Variants in CLPTM1L observed in about 807,000 individuals in gnomAD.
CLPTM1L encodes the protein lipid scramblase CLPTM1L.
CLPTM1L carries 38 observed loss-of-function variants against 70.9 expected under a neutral mutation model. The ratio of observed to expected loss-of-function variants is 0.54; its 90% CI spans 0.41 to 0.70. CLPTM1L has a LOEUF of 0.70. CLPTM1L is among the 30% of genes least tolerant of loss of function. CLPTM1L has a pLI of 0.00. For synonymous variants in CLPTM1L, 339 were observed against 299.9 expected, an observed-to-expected ratio of 1.13 and a Z score of -1.35; for missense variants, 652 against 705.9, an observed-to-expected ratio of 0.92 and a Z score of 0.87.
chr5:1,327,533 C>CCTCTACAGGGACATTCCATCCAGCTCCTG (rs1561235357), intron 9 of CLPTM1L, among the ~76,000 whole-genome samples: 7 of 148,700 alleles, frequency 4.7e-5, no homozygotes, highest in Non-Finnish European at 8.9e-5. Context: ...TCCAGCTCCT[C>CCTCTACAGGGACATTCCATCCAGCTCCTG]CTCTACAGGG....
At position 1,344,745 on chromosome 5, in the gene CLPTM1L, T is replaced by C; in HGVS notation, c.97A>G (p.Thr33Ala). 6.2e-7 allele frequency: 1 copy of C among 1,600,748 alleles called. No individual in the cohort carries two copies. Among genetic ancestry groups the C allele is most frequent in the Non-Finnish European group, 8.5e-7 (1 of 1,175,048 alleles). ...TTGGCGTCGCCGGAGCACGGGCGGGTGTAGACGATGCCGTACATGACCCAG... is the reference window on the plus strand; with the variant it reads ...TTGGCGTCGCCGGAGCACGGGCGGGCGTAGACGATGCCGTACATGACCCAG... ...TCWVMYGIVYTRPCSGDANCI... is the reference protein window; with the variant it reads ...TCWVMYGIVYARPCSGDANCI... Residue 33 changes from threonine (T) to alanine (A), a missense_variant, in exon 1 of 17, where the codon ACC (threonine) becomes GCC (alanine). Physicochemically the swap from Thr to Ala is moderately conservative, Grantham distance 58 (BLOSUM62 0). Coordinates refer to ENST00000320895, the MANE Select transcript of CLPTM1L (RefSeq NM_030782.5).
chr5:1,338,967 A>C lies in CLPTM1L; in HGVS notation c.492T>G (p.Asp164Glu), dbSNP rs536094523. 6.2e-7 allele frequency: 1 copy of C among 1,613,364 alleles called. No individual in the cohort carries two copies. The highest frequency in any genetic ancestry group is 8.5e-7 in the Non-Finnish European group (1 of 1,180,008). Residue 164 changes from aspartate to glutamate, a missense_variant, in exon 4 of 17, where the codon GAT (aspartate) becomes GAG (glutamate). Physicochemically the swap from Asp to Glu is conservative, Grantham distance 45. Coordinates refer to ENST00000320895, the MANE Select transcript of CLPTM1L (RefSeq NM_030782.5). ...EAEKKPTSAL[D>E]EPVSHWRPRL... ...GCGGTCGCCAGTGGGACACTGGCTC[A>C]TCCAGGGCACTCGTCGGCTTCTTCT...
chr5:1,334,804 CAGTTAAG>C (rs1370976001), intron 6 of CLPTM1L, among the ~76,000 whole-genome samples: 1 of 152,176 alleles, frequency 6.6e-6, no homozygotes, highest in Admixed American at 6.5e-5. Flanking sequence ...ATCTCATCAA[CAGTTAAG>C]GTTCATTTGA....
At chr5:1,343,831 T>C (rs1445287341) in intron 2 of CLPTM1L, among the ~76,000 whole-genome samples, 3 of 152,212 alleles carry the variant, frequency 2.0e-5, no homozygotes, top group East Asian at 1.9e-4. Flanking sequence ...AGTATACTTA[T>C]TCAATTAAAA....
At chr5:1,319,360 G>GGC (rs1554044906) in intron 16 of CLPTM1L, among the ~76,000 whole-genome samples, 1 of 138,978 alleles carries the variant, frequency 7.2e-6, no homozygotes, top group Admixed American at 7.0e-5. Context: ...CAACAGGGTG[G>GGC]GGGGGGGCAG....
chr5:1,341,768 T>TGCCACGGCAGGACCCCA lies in CLPTM1L; in HGVS notation c.339_355dup (p.His119LeufsTer18). 6.2e-7 allele frequency: 1 copy of TGCCACGGCAGGACCCCA among 1,614,074 alleles called. No individual in the cohort carries two copies. Among genetic ancestry groups the TGCCACGGCAGGACCCCA allele is most frequent in the East Asian group, 2.2e-5 (1 of 44,876 alleles). ...GACCAGGTGCACCTGCTTCCCGTCGTGCCACGGCAGGACCCCAGCGTGATG... is the reference window on the plus strand; with the variant it reads ...GACCAGGTGCACCTGCTTCCCGTCGTGCCACGGCAGGACCCCAGCCACGGCAGGACCCCAGCGTGATG... On this transcript the variant is annotated frameshift_variant, in exon 3 of 17. Transcript: ENST00000320895. LOFTEE classifies it high-confidence loss of function.
chr5:1,344,305 T>G, intron 2 of CLPTM1L, 46 bp downstream of exon 2: 1 of 1,240,704 alleles, frequency 8.1e-7, no homozygotes, highest in Non-Finnish European at 1.2e-6. Context: ...AATCTGAACA[T>G]GAGTAATGTT....
Position 1,344,945 on chromosome 5 carries a change from G to A in CLPTM1L, c.-104C>T. On this transcript the variant is annotated 5_prime_UTR_variant, in exon 1 of 17. Coordinates refer to ENST00000320895, the MANE Select transcript of CLPTM1L (RefSeq NM_030782.5). The stretch of plus-strand genomic sequence containing the variant: ...TCCGGGCTCCGCCGCTCACTGGAGA[G>A]CCGCCGCGCGCCACCGCCACCGCCG... 1 of 620,172 alleles carries A rather than the reference G, an allele frequency of 1.6e-6. No individual in the cohort carries two copies. The highest frequency in any genetic ancestry group is 2.0e-6 in the Non-Finnish European group (1 of 497,768). The allele number at this position is 620,172 out of a possible 1,614,324, so 38.4% of individuals were successfully genotyped here. A position where few individuals can be genotyped will look rare whatever the true frequency, so the allele number is the denominator to read the frequency against.
chr5:1,342,817 G>A lies in CLPTM1L; in HGVS notation c.264-957C>T, dbSNP rs188793243. On this transcript the variant is annotated intron_variant, in intron 2 of 16. Coordinates refer to ENST00000320895, the MANE Select transcript of CLPTM1L (RefSeq NM_030782.5). This position sits in a 1 kb window ranked among gnomAD's most constrained non-coding sequence, Gnocchi z 4.3. ...TTGCCTAGGCTGGTCTTGAACTGCT[G>A]GGCTCAAGTGATCCTCCCGCCTTGG... Among the ~76,000 whole-genome samples the A allele has an allele frequency of 5.0e-4, 76 of 152,346 alleles. No individual in the cohort carries two copies. Among genetic ancestry groups the A allele is most frequent in the African/African-American group, 1.8e-3 (76 of 41,592 alleles).
chr5:1,325,147 C>T (rs936396471), intron 10 of CLPTM1L: 2 of 389,510 alleles, frequency 5.1e-6, no homozygotes, highest in South Asian at 4.4e-5. Context: ...CCGAACCAGC[C>T]GGCCGGGAGC....
At chr5:1,334,025 C>T (rs1345356809) in intron 7 of CLPTM1L, among the ~76,000 whole-genome samples, 2 of 152,134 alleles carry the variant, frequency 1.3e-5, no homozygotes, top group African/African-American at 4.8e-5. Flanking sequence ...TTCAAAACCG[C>T]CCCCAAAGCC....
At chr5:1,328,893 C>A (rs563489447) in intron 9 of CLPTM1L, among the ~76,000 whole-genome samples, 1 of 150,866 alleles carries the variant, frequency 6.6e-6, no homozygotes, top group Non-Finnish European at 1.5e-5. Context: ...TTCCATCCAG[C>A]TCCTCCTCTA....
chr5:1,324,983 C>G, intron 10 of CLPTM1L, 170 bp from the exon 11 acceptor site: 1 of 631,986 alleles, frequency 1.6e-6, no homozygotes. Flanking sequence ...CGGGGATCCG[C>G]ATGGATCCTT....
At chr5:1,327,406 A>T (rs1561235160) in intron 9 of CLPTM1L, among the ~76,000 whole-genome samples, 1 of 145,588 alleles carries the variant, frequency 6.9e-6, no homozygotes, top group African/African-American at 2.6e-5. Flanking sequence ...GGCACATTCC[A>T]TCCAGCTCCT....
At position 1,318,470 on chromosome 5, in the gene CLPTM1L, G is replaced by A. The variant is rs748253721; in HGVS notation, c.1533-17C>T. ...GGATAAAGCCTGCAATGACACAAAT[G>A]AGCACATCAGCAAACCCCACTGCAG... On this transcript the variant is annotated splice_polypyrimidine_tract_variant and intron_variant, in intron 16 of 16. Coordinates refer to ENST00000320895, the MANE Select transcript of CLPTM1L (RefSeq NM_030782.5). The surrounding 1 kb of genome is among the most constrained non-coding windows in gnomAD (Gnocchi z 8.9). 2.5e-6 allele frequency: 4 copies of A among 1,608,546 alleles called. No homozygotes were observed. The highest frequency in any genetic ancestry group is 2.2e-5 in the East Asian group (1 of 44,800).
intron 4 of CLPTM1L, chr5:1,338,242 G>A (rs1180944865): frequency 3.1e-5 from 17 of 552,862 alleles, no homozygotes; most frequent in South Asian, 2.2e-4. Context: ...TAGGAGCGGG[G>A]GAATTACAGG....
chr5:1,326,432 G>A lies in CLPTM1L; in HGVS notation c.1081-616C>T, dbSNP rs74664599. 3.5e-5 allele frequency: 4 copies of A among 115,522 alleles called. No homozygotes were observed. In the Admixed American group the frequency reaches 3.5e-4, roughly 10 times the overall value. 7.2% of individuals were successfully genotyped at this position (115,522 alleles called of 1,614,324 possible). On this transcript the variant is annotated intron_variant, in intron 9 of 16. Transcript: ENST00000320895. ...GACACATTTCATCCAGCTCCTCCTC[G>A]ACAGACACATTTCATTTCATCCAGC...
In CLPTM1L at chr5:1,342,039, T is replaced by TGTGTGTGTGTGTGTGTGTGCGC. The variant is rs3222913; in HGVS notation, c.264-180_264-179insGCGCACACACACACACACACAC. Among the ~76,000 whole-genome samples the TGTGTGTGTGTGTGTGTGTGCGC allele has an allele frequency of 7.4e-5, 11 of 148,972 alleles. No individual in the cohort carries two copies. The highest frequency in any genetic ancestry group is 2.5e-4 in the African/African-American group (10 of 39,660). On this transcript the variant is annotated intron_variant, in intron 2 of 16. Coordinates refer to ENST00000320895, the MANE Select transcript of CLPTM1L (RefSeq NM_030782.5). The surrounding 1 kb of genome is among the most constrained non-coding windows in gnomAD (Gnocchi z 4.3). ...GTGTGTGTGTGTGTGTGTGTGTGTG[T>TGTGTGTGTGTGTGTGTGTGCGC]GCACGCGCACGCGTGCGCGTCCTGA...
intron 6 of CLPTM1L, 30 bp downstream of exon 6, chr5:1,335,027 A>AC: frequency 3.2e-6 from 5 of 1,577,980 alleles, no homozygotes; most frequent in Non-Finnish European, 4.4e-6. Context: ...GGGCGGCCTC[A>AC]CCCAGGCGCC....
Sources: gnomAD v4.1 joint callset for allele counts (sites outside exome capture counted in the v4.1 genomes callset) on GRCh38, gnomAD v4.1.1 for gene constraint, Gnocchi (gnomAD v3.1) non-coding constraint, MANE v1.5 for transcripts, NCBI Gene and HGNC (gene_info 2026-07-23, HGNC 2026-07-21) for gene names.